Variants in CBFA2T2 observed in about 807,000 individuals in gnomAD.
The protein encoded by CBFA2T2 is CBFA2/RUNX1 partner transcriptional co-repressor 2, also known as protein CBFA2T2.
A neutral mutation model predicts 62.2 loss-of-function variants in CBFA2T2; 11 were observed. The ratio of observed to expected loss-of-function variants is 0.18; its 90% CI spans 0.11 to 0.29. The LOEUF is 0.29. Among genes scored for constraint, CBFA2T2 ranks in the 10% least tolerant of loss-of-function variants. CBFA2T2 has a pLI of 1.00. For synonymous variants in CBFA2T2, 295 were observed against 287.5 expected (o/e 1.03, Z -0.27); for missense variants, 592 against 774.1 (o/e 0.76, Z 2.79).
At chr20:33,491,300 A>G (rs924007933) in intron 1 of CBFA2T2, among the ~76,000 whole-genome samples, 13 of 152,204 alleles carry the variant, frequency 8.5e-5, no homozygotes, top group African/African-American at 3.1e-4. Context: ...AACAAGATAG[A>G]CCGAACTGGG....
At position 33,579,554 on chromosome 20, in the gene CBFA2T2, CTTTT is replaced by C. The variant is rs76190498; in HGVS notation, c.35-27388_35-27385del. Among the ~76,000 whole-genome samples the C allele has an allele frequency of 5.3e-3, 663 of 125,334 alleles. 6 individuals are homozygous for C. Among genetic ancestry groups the C allele is most frequent in the African/African-American group, 0.018 (622 of 34,256 alleles). 82.2% of individuals were successfully genotyped at this position (125,334 alleles called of 152,430 possible). Reference sequence around the variant, plus strand: ...TATTATTTTACAACCCATCACGAATCTTTTTTTTTTTTTTTTTGTATGGAGTGAG... The same window carrying C: ...TATTATTTTACAACCCATCACGAATCTTTTTTTTTTTTTGTATGGAGTGAG... On this transcript the variant is annotated intron_variant, in intron 1 of 10. Coordinates refer to ENST00000342704, the MANE Select transcript of CBFA2T2 (RefSeq NM_001032999.3).
Position 33,490,253 on chromosome 20 carries a change from C to T in CBFA2T2, c.-15C>T. The T allele has an allele frequency of 1.6e-6, 2 of 1,236,362 alleles. No homozygotes were observed. The highest frequency in any genetic ancestry group is 2.0e-6 in the Non-Finnish European group (2 of 989,994). The allele number at this position is 1,236,362 out of a possible 1,614,324, so 76.6% of individuals were successfully genotyped here. On this transcript the variant is annotated 5_prime_UTR_variant, in exon 1 of 11. Coordinates refer to ENST00000342704, the MANE Select transcript of CBFA2T2 (RefSeq NM_001032999.3). ...GCGGGTAGAGGCGGGCGGCGCGCGG[C>T]GGCGGCGCTCGGCGATGGTAGGCGT...
intron 6 of CBFA2T2, among the ~76,000 whole-genome samples, chr20:33,627,992 G>T (rs1028679012): frequency 2.5e-4 from 38 of 152,178 alleles, no homozygotes; most frequent in African/African-American, 8.9e-4. Context: ...AGTTTTGGTG[G>T]TTAATTATTC....
chr20:33,508,746 G>A (rs1361003617), intron 1 of CBFA2T2, among the ~76,000 whole-genome samples: 1 of 152,142 alleles, frequency 6.6e-6, no homozygotes, highest in Non-Finnish European at 1.5e-5. Flanking sequence ...TGTCCCTGCT[G>A]CAAAGGACAT....
At chr20:33,552,003 G>C (rs1011978590) in intron 1 of CBFA2T2, among the ~76,000 whole-genome samples, 3 of 151,230 alleles carry the variant, frequency 2.0e-5, no homozygotes, top group Admixed American at 1.3e-4. Context: ...CATAAGGGCT[G>C]ATGACTCAAA....
intron 1 of CBFA2T2, among the ~76,000 whole-genome samples, chr20:33,580,227 C>CTG (rs1388525799): frequency 1.3e-5 from 2 of 152,110 alleles, no homozygotes; most frequent in Non-Finnish European, 2.9e-5. Flanking sequence ...TAAGTCCTAA[C>CTG]TGTATTTTAA....
intron 1 of CBFA2T2, chr20:33,574,078 C>T: frequency 6.6e-7 from 1 of 1,506,618 alleles, no homozygotes; most frequent in Non-Finnish European, 9.0e-7. Flanking sequence ...CAAGAGCCAC[C>T]ATACCAGTTC....
chr20:33,588,302 A>C (rs1207469010), intron 1 of CBFA2T2, among the ~76,000 whole-genome samples: 4 of 151,876 alleles, frequency 2.6e-5, no homozygotes, highest in Admixed American at 6.6e-5. Flanking sequence ...GCAGAAGAAA[A>C]AGTGAACATT....
At chr20:33,508,242 G>A (rs1024330298) in intron 1 of CBFA2T2, among the ~76,000 whole-genome samples, 6 of 151,946 alleles carry the variant, frequency 3.9e-5, no homozygotes, top group African/African-American at 1.2e-4. Flanking sequence ...TTACAGGTGT[G>A]CGCCACCACA....
chr20:33,589,671 G>T (rs1374779587), intron 1 of CBFA2T2, among the ~76,000 whole-genome samples: 1 of 152,132 alleles, frequency 6.6e-6, no homozygotes, highest in Non-Finnish European at 1.5e-5. Flanking sequence ...AGACTTTGAG[G>T]AGGAAATATC....
At chr20:33,635,259 C>A (rs949258873) in intron 8 of CBFA2T2, among the ~76,000 whole-genome samples, 3 of 152,138 alleles carry the variant, frequency 2.0e-5, no homozygotes, top group Non-Finnish European at 4.4e-5. Context: ...AGATTAGTAA[C>A]CTACAATTTT....
chr20:33,555,861 C>CT (rs2012883690), intron 1 of CBFA2T2, among the ~76,000 whole-genome samples: 1 of 152,210 alleles, frequency 6.6e-6, no homozygotes, highest in East Asian at 1.9e-4. Flanking sequence ...CCCCTTTCCT[C>CT]TTTCCTTTTT....
At chr20:33,545,010 T>TAGAACAGAAC (rs199760817) in intron 1 of CBFA2T2, among the ~76,000 whole-genome samples, 5 of 113,944 alleles carry the variant, frequency 4.4e-5, no homozygotes, top group African/African-American at 1.7e-4. Context: ...TAGAATAGAA[T>TAGAACAGAAC]AGAACAGAAC....
In CBFA2T2 at chr20:33,624,785, T is replaced by C. The variant is rs1344910474; in HGVS notation, c.714T>C (p.Asp238=). The C allele has an allele frequency of 1.2e-6, 2 of 1,614,178 alleles. No individual in the cohort carries two copies. The highest frequency in any genetic ancestry group is 1.7e-6 in the Non-Finnish European group (2 of 1,180,010). ...ACAGGAGAGAAGAGAATAGTTTTGA[T>C]AGAGACACAATTGCTCCTGAGCCTC... ...SPERREENSF[D]RDTIAPEPPA... is the part of the protein sequence containing the mutation. The change falls in exon 6 of 11, where the codon GAT becomes GAC. Residue 238 remains aspartate, a synonymous_variant. Transcript: ENST00000342704.
chr20:33,639,591 AT>A (rs1279406454), intron 9 of CBFA2T2: 3 of 151,418 alleles, frequency 2.0e-5, no homozygotes, highest in Non-Finnish European at 4.4e-5. Context: ...AAAAAAGAAA[AT>A]AAGTTCAAGC....
Position 33,624,977 on chromosome 20 carries a change from G to A in CBFA2T2, c.906G>A (p.Met302Ile), listed in dbSNP as rs759546656. Residue 302 changes from methionine to isoleucine, a missense_variant, in exon 6 of 11, where the codon ATG becomes ATA. Physicochemically the swap from Met to Ile is conservative, Grantham distance 10. Transcript: ENST00000342704. Reference protein sequence around the residue: ...TSHLYREPNKMLEHREVRDRH... With the variant: ...TSHLYREPNKILEHREVRDRH... ...ACCTGTATCGGGAACCCAACAAGAT[G>A]CTAGAGCATCGAGAAGTTCGTGATA... 8 of 1,614,046 alleles carry A rather than the reference G, an allele frequency of 5.0e-6. No homozygotes were observed. Among genetic ancestry groups the A allele is most frequent in the Middle Eastern group, 1.6e-4 (1 of 6,084 alleles).
At chr20:33,589,532 C>T (rs957721162) in intron 1 of CBFA2T2, among the ~76,000 whole-genome samples, 19 of 152,258 alleles carry the variant, frequency 1.2e-4, no homozygotes, top group Admixed American at 5.9e-4. Flanking sequence ...TCTCTGGAAA[C>T]GAGTAAAGAT....
intron 1 of CBFA2T2, among the ~76,000 whole-genome samples, chr20:33,505,754 C>A (rs141366349): frequency 0.027 from 4,158 of 151,544 alleles, 171 homozygotes; most frequent in African/African-American, 0.094. Flanking sequence ...GCACTCCAGC[C>A]TGGGCAACAA....
intron 1 of CBFA2T2, among the ~76,000 whole-genome samples, chr20:33,505,079 C>A (rs2011378379): frequency 6.6e-6 from 1 of 152,168 alleles, no homozygotes; most frequent in Admixed American, 6.5e-5. Flanking sequence ...GAAGTGTCTT[C>A]ATCCTCTTAA....
Sources: gnomAD v4.1 joint callset for allele counts (sites outside exome capture counted in the v4.1 genomes callset) on GRCh38, gnomAD v4.1.1 for gene constraint, MANE v1.5 for transcripts, NCBI Gene and HGNC (gene_info 2026-07-23, HGNC 2026-07-21) for gene names.